AIM2: variants seen among roughly 807,000 people sequenced by gnomAD.
The protein encoded by AIM2 is absent in melanoma 2.
A neutral mutation model predicts 27.7 loss-of-function variants in AIM2; 30 were observed. The observed-to-expected ratio is 1.08, with a 90% CI of 0.81 to 1.47. The LOEUF (loss-of-function observed/expected upper bound fraction) is 1.47, where lower values mean the gene tolerates loss of function less well. AIM2 is among the 40% of genes most tolerant of loss of function. The pLI is 0.00. For synonymous variants in AIM2, 141 were observed against 145.3 expected (o/e 0.97, Z 0.21); for missense variants, 358 against 411.3 (o/e 0.87, Z 1.12).
intron 1 of AIM2, among the ~76,000 whole-genome samples, chr1:159,075,534 TACACACACACACACACAC>T (rs55988373): frequency 5.0e-4 from 65 of 129,534 alleles, no homozygotes; most frequent in Admixed American, 4.3e-3. Context: ...ATACCTGCAA[TACACACACACACACACAC>T]ACACACACAC....
intron 1 of AIM2, among the ~76,000 whole-genome samples, chr1:159,098,543 A>G (rs1657248998): frequency 6.6e-6 from 1 of 152,332 alleles, no homozygotes; most frequent in Middle Eastern, 3.4e-3. Context: ...AGCGTTATAA[A>G]AAGTTCTATT....
At chr1:159,112,589 T>G (rs1164776295) in intron 1 of AIM2, among the ~76,000 whole-genome samples, 1 of 152,204 alleles carries the variant, frequency 6.6e-6, no homozygotes. Flanking sequence ...ACGGAATACT[T>G]AGAAATATTT....
At chr1:159,127,043 T>C (rs1647713998) in intron 1 of AIM2, among the ~76,000 whole-genome samples, 1 of 152,094 alleles carries the variant, frequency 6.6e-6, no homozygotes, top group Non-Finnish European at 1.5e-5. Context: ...CAAAGTAATA[T>C]ATTATTTGGG....
At chr1:159,131,600 T>C (rs1162119996) in intron 1 of AIM2, among the ~76,000 whole-genome samples, 1 of 152,158 alleles carries the variant, frequency 6.6e-6, no homozygotes, top group African/African-American at 2.4e-5. Context: ...AAAAAAATAA[T>C]TTGTAGCAGA....
At chr1:159,136,294 A>G (rs1351534281) in intron 1 of AIM2, among the ~76,000 whole-genome samples, 2 of 152,212 alleles carry the variant, frequency 1.3e-5, no homozygotes, top group African/African-American at 4.8e-5. Flanking sequence ...GTTTAGAAAG[A>G]ATAACTACAA....
At chr1:159,102,593 G>C (rs188915854) in intron 1 of AIM2, among the ~76,000 whole-genome samples, 1 of 152,234 alleles carries the variant, frequency 6.6e-6, no homozygotes, top group East Asian at 1.9e-4. Flanking sequence ...AAAGCCACAA[G>C]GGCAGAGCTG....
At chr1:159,117,272 A>C (rs1647383293) in intron 1 of AIM2, among the ~76,000 whole-genome samples, 1 of 152,222 alleles carries the variant, frequency 6.6e-6, no homozygotes, top group Non-Finnish European at 1.5e-5. Context: ...ATCGACAAAA[A>C]GTTCACAAAG....
At chr1:159,077,829 T>C (rs1329875064), upstream of AIM2, among the ~76,000 whole-genome samples, 1 of 152,206 alleles carries the variant, frequency 6.6e-6, no homozygotes, top group Non-Finnish European at 1.5e-5. Flanking sequence ...TTAACAATTA[T>C]GCACTGAACA....
chr1:159,122,663 A>G (rs1262946033), intron 1 of AIM2, among the ~76,000 whole-genome samples: 2 of 152,242 alleles, frequency 1.3e-5, no homozygotes, highest in East Asian at 3.8e-4. Flanking sequence ...AAAGGCTGCC[A>G]TCTCTCAAAG....
intron 1 of AIM2, among the ~76,000 whole-genome samples, chr1:159,127,401 G>T (rs368592490): frequency 6.6e-6 from 1 of 152,204 alleles, no homozygotes; most frequent in Non-Finnish European, 1.5e-5. Context: ...CCTGACTAGT[G>T]TTATGGTCTG....
At chr1:159,097,940 C>A (rs1031791811) in intron 1 of AIM2, among the ~76,000 whole-genome samples, 1 of 152,092 alleles carries the variant, frequency 6.6e-6, no homozygotes, top group Non-Finnish European at 1.5e-5. Context: ...CTTCGTTTTT[C>A]TCATTTTGTA....
At chr1:159,097,708 A>G (rs1182475071) in intron 1 of AIM2, among the ~76,000 whole-genome samples, 1 of 152,176 alleles carries the variant, frequency 6.6e-6, no homozygotes, top group African/African-American at 2.4e-5. Flanking sequence ...AGTAGTACCT[A>G]TTTAATGAAG....
In AIM2 at chr1:159,073,417, A is replaced by C; in HGVS notation, c.83T>G (p.Phe28Cys). The C allele has an allele frequency of 1.2e-6, 2 of 1,614,160 alleles. No individual in the cohort carries two copies. The highest frequency in any genetic ancestry group is 1.7e-6 in the Non-Finnish European group (2 of 1,180,024). ...TDEELDRFKF[F>C]LSDEFNIATG... ...GGCAATATTAAACTCGTCTGAAAGA[A>C]AGAACTTAAACCTATCCAGTTCCTC... The change falls in exon 2 of 6, where the codon TTT becomes TGT. Residue 28 changes from phenylalanine (F) to cysteine (C), a missense_variant. By Grantham distance (205) the Phe-to-Cys change is radical (BLOSUM62 -2). Coordinates refer to ENST00000368130, the MANE Select transcript of AIM2 (RefSeq NM_004833.3).
intron 1 of AIM2, among the ~76,000 whole-genome samples, chr1:159,119,887 C>A (rs976103229): frequency 6.6e-6 from 1 of 151,870 alleles, no homozygotes; most frequent in African/African-American, 2.4e-5. Flanking sequence ...CTCACACATA[C>A]AGAGAGACTT....
chr1:159,134,182 A>T (rs1570984000), intron 1 of AIM2, among the ~76,000 whole-genome samples: 1 of 151,998 alleles, frequency 6.6e-6, no homozygotes, highest in East Asian at 1.9e-4. Flanking sequence ...TACTTCTAAA[A>T]CCCTTTTTCT....
chr1:159,120,548 T>A (rs1647509929), intron 1 of AIM2, among the ~76,000 whole-genome samples: 1 of 152,194 alleles, frequency 6.6e-6, no homozygotes, highest in African/African-American at 2.4e-5. Context: ...GATTAAGTAT[T>A]CTTATTCCAG....
At chr1:159,066,453 A>T in intron 3 of AIM2, 124 bp from the exon 4 acceptor site, 1 of 973,880 alleles carries the variant, frequency 1.0e-6, no homozygotes. Context: ...AAGGGAAGAG[A>T]TACAGAGGGG....
the AIM2 span, among the ~76,000 whole-genome samples, chr1:159,055,359 G>A: frequency 5.9e-5 from 9 of 152,186 alleles, no homozygotes; most frequent in Admixed American, 1.3e-4. Flanking sequence ...ATAAGTAAGC[G>A]TGAAATCCAG....
At chr1:159,080,132 T>G (rs1656741784), upstream of AIM2, among the ~76,000 whole-genome samples, 1 of 152,206 alleles carries the variant, frequency 6.6e-6, no homozygotes, top group Admixed American at 6.5e-5. Flanking sequence ...CGAATAAACC[T>G]TCTATAAATA....
Sources: gnomAD v4.1 joint callset for allele counts (sites outside exome capture counted in the v4.1 genomes callset) on GRCh38, gnomAD v4.1.1 for gene constraint, MANE v1.5 for transcripts, NCBI Gene and HGNC (gene_info 2026-07-23, HGNC 2026-07-21) for gene names.